PLXND1: variants seen among roughly 807,000 people sequenced by gnomAD.
The protein encoded by PLXND1 is plexin-D1.
A neutral mutation model predicts 197.7 loss-of-function variants in PLXND1; 54 were observed. The ratio of observed to expected loss-of-function variants is 0.27; its 90% CI spans 0.22 to 0.34. The LOEUF (loss-of-function observed/expected upper bound fraction) is 0.34. PLXND1 is among the 10% of genes least tolerant of loss of function. The pLI is 1.00. For synonymous variants in PLXND1, 1,180 were observed against 1,161.2 expected, an observed-to-expected ratio of 1.02 and a Z score of -0.33; for missense variants, 2,127 against 2,699.2, an observed-to-expected ratio of 0.79 and a Z score of 4.70.
chr3:129,595,691 T>C (rs1214062699), intron 1 of PLXND1, among the ~76,000 whole-genome samples: 1 of 152,114 alleles, frequency 6.6e-6, no homozygotes, highest in African/African-American at 2.4e-5. Context: ...GCTCCAGGGC[T>C]TTGAGGTTAT....
intron 8 of PLXND1, among the ~76,000 whole-genome samples, chr3:129,583,252 C>A (rs148148154): frequency 4.5e-4 from 69 of 152,330 alleles, no homozygotes; most frequent in African/African-American, 1.6e-3. Flanking sequence ...TTCTGGAAGG[C>A]AGCTGAGCTC....
At chr3:129,582,881 C>A (rs2085404992) in intron 8 of PLXND1, among the ~76,000 whole-genome samples, 1 of 152,364 alleles carries the variant, frequency 6.6e-6, no homozygotes, top group South Asian at 2.1e-4. Context: ...TGGCCCCTGA[C>A]AAGCATGGAG....
intron 1 of PLXND1, among the ~76,000 whole-genome samples, chr3:129,601,974 C>A (rs2085714859): frequency 6.6e-6 from 1 of 152,212 alleles, no homozygotes; most frequent in Non-Finnish European, 1.5e-5. Flanking sequence ...GTGAAGGAAT[C>A]TATTCCCGGG....
chr3:129,572,460 C>T, intron 15 of PLXND1, 149 bp downstream of exon 15: 1 of 614,098 alleles, frequency 1.6e-6, no homozygotes. Flanking sequence ...GAAACTGAGG[C>T]TCAGAGAGGA....
intron 27 of PLXND1, chr3:129,562,586 G>A: frequency 4.2e-6 from 2 of 478,552 alleles, no homozygotes; most frequent in Non-Finnish European, 7.3e-6. Flanking sequence ...AAGGCTTTTT[G>A]CTGTTGTCCG....
intron 22 of PLXND1, 35 bp downstream of exon 22, chr3:129,567,457 G>T: frequency 1.6e-6 from 2 of 1,287,028 alleles, no homozygotes; most frequent in Non-Finnish European, 1.1e-6. Flanking sequence ...GAGGTGGCTG[G>T]CACAGGTTCA....
chr3:129,555,561 G>A lies in PLXND1; in HGVS notation c.*751C>T, dbSNP rs1351385969. The A allele has an allele frequency of 9.1e-6, 6 of 660,548 alleles. No homozygotes were observed. Among genetic ancestry groups the A allele is most frequent in the Non-Finnish European group, 1.6e-5 (6 of 372,208 alleles). The allele number at this position is 660,548 out of a possible 1,614,324, so 40.9% of individuals were successfully genotyped here. A position where few individuals can be genotyped will look rare whatever the true frequency, so the allele number is the denominator to read the frequency against. ...TATAAAAGCTTTAAAAAAAAAAGTG[G>A]TGCTATCTTTAGAAACACTTTCAGC... On this transcript the variant is annotated 3_prime_UTR_variant, in exon 36 of 36. Transcript: ENST00000324093.
At position 129,557,023 on chromosome 3, in the gene PLXND1, C is replaced by T. The variant is rs2084984285; in HGVS notation, c.5586+60G>A. On this transcript the variant is annotated intron_variant, in intron 34 of 35. Coordinates refer to ENST00000324093, the MANE Select transcript of PLXND1 (RefSeq NM_015103.3). This position sits in a 1 kb window ranked among gnomAD's most constrained non-coding sequence, Gnocchi z 4.8. ...TCCAGTGGAGGCATTGAGGCCCAGC[C>T]CCCGACCCCCGATCCCTCAGCTCTT... 2 of 1,581,214 alleles carry T rather than the reference C, an allele frequency of 1.3e-6. No individual in the cohort carries two copies. Among genetic ancestry groups the T allele is most frequent in the Non-Finnish European group, 1.7e-6 (2 of 1,160,726 alleles).
intron 1 of PLXND1, among the ~76,000 whole-genome samples, chr3:129,593,359 A>C (rs536610904): frequency 6.6e-6 from 1 of 152,314 alleles, no homozygotes; most frequent in East Asian, 1.9e-4. Context: ...ACCATTGTAA[A>C]TGTCCCTTCA....
chr3:129,589,154 G>T (rs555411435), intron 2 of PLXND1, among the ~76,000 whole-genome samples, 197 bp downstream of exon 2: 8 of 152,270 alleles, frequency 5.3e-5, no homozygotes, highest in African/African-American at 1.7e-4. Flanking sequence ...CTGTATGGAC[G>T]CCACCTATAT....
chr3:129,561,264 G>A (rs1476637450), intron 29 of PLXND1, among the ~76,000 whole-genome samples: 1 of 152,136 alleles, frequency 6.6e-6, no homozygotes, highest in African/African-American at 2.4e-5. Context: ...TCCCGGGCTC[G>A]CAGGCCTGGC....
At chr3:129,556,557 T>C in intron 35 of PLXND1, 60 bp downstream of exon 35, 2 of 1,370,550 alleles carry the variant, frequency 1.5e-6, no homozygotes, top group South Asian at 2.3e-5. Flanking sequence ...CTGAGATGTG[T>C]GTCCTTGAGT....
At chr3:129,596,709 G>C (rs2085629700) in intron 1 of PLXND1, among the ~76,000 whole-genome samples, 1 of 152,136 alleles carries the variant, frequency 6.6e-6, no homozygotes, top group Non-Finnish European at 1.5e-5. Flanking sequence ...GGGGGACTTG[G>C]AGGTTCGATC....
Position 129,575,838 on chromosome 3 carries a change from A to G in PLXND1, c.2364T>C (p.Cys788=). 6.2e-7 allele frequency: 1 copy of G among 1,611,738 alleles called. No individual in the cohort carries two copies. Among genetic ancestry groups the G allele is most frequent in the South Asian group, 1.1e-5 (1 of 90,936 alleles). ...TAFFQGAALE[C]SFGLEEIFEA... ...CGAAGATCTCCTCCAGCCCAAAACT[A>G]CACTCCAGGGCTGCACCCTGTGGGA... is the stretch of plus-strand genomic sequence containing the variant. The change falls in exon 10 of 36, where the codon TGT becomes TGC. Residue 788 remains cysteine, a synonymous_variant. Transcript: ENST00000324093.
rs749323457 is a variant in PLXND1, at chr3:129,571,497, C to T, written c.3336+12G>A. On this transcript the variant is annotated intron_variant, in intron 17 of 35. Transcript: ENST00000324093. ...CACCCCCTCCCACCCATCAGGCCCC[C>T]GAATGCCTCACCGTGGGCTCCCGGC... 56 of 1,611,892 alleles carry T rather than the reference C, an allele frequency of 3.5e-5. No homozygotes were observed. Among genetic ancestry groups the T allele is most frequent in the Non-Finnish European group, 4.0e-5 (47 of 1,178,674 alleles).
At chr3:129,603,305 C>T (rs1015323051) in intron 1 of PLXND1, among the ~76,000 whole-genome samples, 3 of 152,202 alleles carry the variant, frequency 2.0e-5, no homozygotes, top group Non-Finnish European at 4.4e-5. Flanking sequence ...GCTCCAGCCC[C>T]CCTCAGCTGG....
At chr3:129,574,805 G>A (rs939445789) in intron 11 of PLXND1, among the ~76,000 whole-genome samples, 2 of 152,198 alleles carry the variant, frequency 1.3e-5, no homozygotes, top group African/African-American at 2.4e-5. Flanking sequence ...GGAGGGACTC[G>A]CCTGAGCTCA....
Position 129,606,523 on chromosome 3 carries a change from C to T in PLXND1, c.117G>A (p.Leu39=). 1 of 1,369,676 alleles carries T rather than the reference C, an allele frequency of 7.3e-7. No individual in the cohort carries two copies. Among genetic ancestry groups the T allele is most frequent in the Non-Finnish European group, 9.4e-7 (1 of 1,063,798 alleles). 84.8% of individuals were successfully genotyped at this position (1,369,676 alleles called of 1,614,324 possible). Residue 39 remains leucine, a synonymous_variant, in exon 1 of 36, where the codon CTG becomes CTA. Transcript: ENST00000324093. ...CCAGGGCGCCGGCCCGCGCCGCCCCCAGGAGCAGCAGCAACAGCAGCGGCA... is the reference window on the plus strand; with the variant it reads ...CCAGGGCGCCGGCCCGCGCCGCCCCTAGGAGCAGCAGCAACAGCAGCGGCA... The part of the protein sequence containing the change: ...CPVPLLLLLL[L]GAARAGALEI...
intron 1 of PLXND1, among the ~76,000 whole-genome samples, chr3:129,594,786 G>A (rs139356043): frequency 1.2e-4 from 18 of 152,226 alleles, no homozygotes; most frequent in African/African-American, 4.3e-4. Flanking sequence ...GAAACTAGGG[G>A]ACGGGTATAC....
Sources: gnomAD v4.1 joint callset for allele counts (sites outside exome capture counted in the v4.1 genomes callset) on GRCh38, gnomAD v4.1.1 for gene constraint, Gnocchi (gnomAD v3.1) non-coding constraint, MANE v1.5 for transcripts, NCBI Gene and HGNC (gene_info 2026-07-23, HGNC 2026-07-21) for gene names.